TNNI3K: variants seen among roughly 807,000 people sequenced by gnomAD.
The protein encoded by TNNI3K is TNNI3 interacting kinase, also known as serine/threonine-protein kinase TNNI3K.
A neutral mutation model predicts 114.5 loss-of-function variants in TNNI3K; 140 were observed. The observed-to-expected ratio is 1.22, with a 90% CI of 1.07 to 1.41. TNNI3K has a LOEUF of 1.41. Ranked by LOEUF, TNNI3K falls within the 40% of genes most tolerant of loss-of-function variation. The probability of loss-of-function intolerance (pLI) is 0.00; values close to 1 mark genes in which losing one functional copy is unlikely to be tolerated. For synonymous variants in TNNI3K, 347 were observed against 347.5 expected, an observed-to-expected ratio of 1.00 and a Z score of 0.02; for missense variants, 1,125 against 1,007.6, an observed-to-expected ratio of 1.12 and a Z score of -1.58.
At chr1:74,432,864 A>G (rs1239363809) in intron 17 of TNNI3K, among the ~76,000 whole-genome samples, 1 of 151,936 alleles carries the variant, frequency 6.6e-6, no homozygotes, top group African/African-American at 2.4e-5. Flanking sequence ...AAAACAGGAA[A>G]GTTTTGGAGA....
intron 2 of TNNI3K, among the ~76,000 whole-genome samples, chr1:74,242,722 TA>T (rs1057182099): frequency 7.4e-4 from 113 of 152,336 alleles, no homozygotes; most frequent in African/African-American, 2.7e-3. Context: ...AAAGAATTCA[TA>T]ATGCCCTAAG....
chr1:74,501,066 C>T (rs1319115105), intron 23 of TNNI3K, among the ~76,000 whole-genome samples: 1 of 151,990 alleles, frequency 6.6e-6, no homozygotes, highest in Non-Finnish European at 1.5e-5. Flanking sequence ...TTTATTACTT[C>T]TTCTTTAGTA....
chr1:74,540,606 T>C (rs552461883), intron 24 of TNNI3K, among the ~76,000 whole-genome samples: 1 of 147,248 alleles, frequency 6.8e-6, no homozygotes, highest in South Asian at 2.1e-4. Flanking sequence ...ACTCTTTTTT[T>C]AAAAAAAAAA....
intron 21 of TNNI3K, chr1:74,475,227 A>AG (rs1476970674): frequency 3.3e-6 from 2 of 612,548 alleles, no homozygotes; most frequent in African/African-American, 3.7e-5. Context: ...AGGAAATTAA[A>AG]GGAGGGAGGC....
chr1:74,481,462 A>G (rs781758204), intron 21 of TNNI3K, among the ~76,000 whole-genome samples: 34 of 152,252 alleles, frequency 2.2e-4, no homozygotes, highest in Non-Finnish European at 4.3e-4. Flanking sequence ...GCGAGTTGGG[A>G]TGGGGAGAGT....
intron 11 of TNNI3K, among the ~76,000 whole-genome samples, chr1:74,364,543 G>A (rs1662162166): frequency 1.3e-5 from 2 of 151,772 alleles, no homozygotes; most frequent in Admixed American, 6.6e-5. Context: ...AATCAAGGAG[G>A]TAGAGTAATG....
At chr1:74,236,324 G>A (rs1332773336) in intron 2 of TNNI3K, 114 bp downstream of exon 2, 2 of 845,000 alleles carry the variant, frequency 2.4e-6, no homozygotes, top group African/African-American at 1.8e-5. Flanking sequence ...AAGCAGTCAT[G>A]TTCTAAGCCT....
chr1:74,283,554 T>G (rs1191742174), intron 5 of TNNI3K, among the ~76,000 whole-genome samples: 2 of 152,188 alleles, frequency 1.3e-5, no homozygotes, highest in Non-Finnish European at 2.9e-5. Flanking sequence ...CTTTATAGGC[T>G]AATAAAAATG....
At chr1:74,430,537 AG>A (rs1204626434) in intron 17 of TNNI3K, among the ~76,000 whole-genome samples, 1 of 152,112 alleles carries the variant, frequency 6.6e-6, no homozygotes, top group East Asian at 1.9e-4. Flanking sequence ...AAAGAACTGA[AG>A]GTCAGAGCAT....
chr1:74,239,125 G>A (rs912643592), intron 2 of TNNI3K, among the ~76,000 whole-genome samples: 1 of 152,068 alleles, frequency 6.6e-6, no homozygotes, highest in African/African-American at 2.4e-5. Flanking sequence ...TAAGCAACTG[G>A]TGTGGTCTAA....
At chr1:74,476,577 T>G (rs908752941) in intron 21 of TNNI3K, among the ~76,000 whole-genome samples, 2 of 152,166 alleles carry the variant, frequency 1.3e-5, no homozygotes, top group African/African-American at 4.8e-5. Context: ...ATTTATTAAA[T>G]ATTCTTAAAT....
chr1:74,518,310 A>G (rs1395040575), intron 23 of TNNI3K, among the ~76,000 whole-genome samples: 1 of 152,094 alleles, frequency 6.6e-6, no homozygotes, highest in Non-Finnish European at 1.5e-5. Flanking sequence ...CTTCTTTTAT[A>G]TTTATTTTCA....
intron 5 of TNNI3K, among the ~76,000 whole-genome samples, chr1:74,311,706 G>A (rs1659005502): frequency 6.6e-6 from 1 of 152,120 alleles, no homozygotes; most frequent in Non-Finnish European, 1.5e-5. Context: ...TCATGTAAAT[G>A]GGAGTGAGTC....
intron 5 of TNNI3K, among the ~76,000 whole-genome samples, chr1:74,297,120 A>C (rs1658034114): frequency 2.6e-5 from 4 of 151,868 alleles, no homozygotes; most frequent in Admixed American, 6.6e-5. Flanking sequence ...TTTTTACACT[A>C]ATATAATACC....
intron 4 of TNNI3K, among the ~76,000 whole-genome samples, chr1:74,262,542 A>G (rs1428482570): frequency 6.8e-6 from 1 of 147,514 alleles, no homozygotes; most frequent in Non-Finnish European, 1.5e-5. Flanking sequence ...TAATTTGAAG[A>G]AAAAAAAAAC....
intron 7 of TNNI3K, chr1:74,341,914 A>G (rs1178110676): frequency 6.6e-6 from 1 of 152,220 alleles, no homozygotes; most frequent in Non-Finnish European, 1.5e-5. Context: ...ATTTTACGTC[A>G]TCAGCTCTGA....
intron 5 of TNNI3K, among the ~76,000 whole-genome samples, chr1:74,287,966 G>T (rs1378884275): frequency 1.3e-5 from 2 of 151,792 alleles, no homozygotes; most frequent in South Asian, 2.1e-4. Flanking sequence ...AATACAAATC[G>T]CCAAGAAGTA....
intron 20 of TNNI3K, among the ~76,000 whole-genome samples, chr1:74,446,826 G>T (rs1381680946): frequency 1.3e-5 from 2 of 149,766 alleles, no homozygotes; most frequent in Non-Finnish European, 3.0e-5. Context: ...GTTTTTCTCA[G>T]ATTTGTCAAA....
intron 20 of TNNI3K, among the ~76,000 whole-genome samples, chr1:74,446,484 G>A (rs917790115): frequency 1.3e-5 from 2 of 148,194 alleles, no homozygotes; most frequent in African/African-American, 5.0e-5. Context: ...CTCCCATTTT[G>A]TAGGTTGCCT....
Sources: gnomAD v4.1 joint callset for allele counts (sites outside exome capture counted in the v4.1 genomes callset) on GRCh38, gnomAD v4.1.1 for gene constraint, MANE v1.5 for transcripts, NCBI Gene and HGNC (gene_info 2026-07-23, HGNC 2026-07-21) for gene names.